SAMD8: variants seen among roughly 807,000 people sequenced by gnomAD.
SAMD8 encodes sphingomyelin synthase-related protein 1.
SAMD8 carries 20 observed loss-of-function variants against 42.0 expected under a neutral mutation model. That is an observed-to-expected ratio of 0.48 (90% CI 0.34 to 0.69). The LOEUF (loss-of-function observed/expected upper bound fraction) is 0.69. SAMD8 is among the 30% of genes least tolerant of loss of function. The probability of loss-of-function intolerance (pLI) is 0.01; values close to 1 mark genes in which losing one functional copy is unlikely to be tolerated. For missense variants in SAMD8, 328 were observed against 511.6 expected, an observed-to-expected ratio of 0.64 and a Z score of 3.46; for synonymous variants, 162 against 173.0, an observed-to-expected ratio of 0.94 and a Z score of 0.50.
At chr10:75,108,005 G>T, upstream of SAMD8, 1 of 1,612,804 alleles carries the variant, frequency 6.2e-7, no homozygotes, top group Non-Finnish European at 8.5e-7. Flanking sequence ...CAGGCGTGTT[G>T]AGGGCACGGT....
chr10:75,169,397 G>A (rs1028264330), intron 4 of SAMD8, among the ~76,000 whole-genome samples: 3 of 150,934 alleles, frequency 2.0e-5, no homozygotes, highest in Non-Finnish European at 2.9e-5. Context: ...AGGTTCAATC[G>A]CTTGAACCTG....
intron 1 of SAMD8, among the ~76,000 whole-genome samples, chr10:75,136,228 T>G (rs1839883418): frequency 6.6e-6 from 1 of 152,216 alleles, no homozygotes; most frequent in Non-Finnish European, 1.5e-5. Flanking sequence ...TTGTTTTGTG[T>G]AAGTTACTAA....
intron 1 of SAMD8, among the ~76,000 whole-genome samples, chr10:75,134,184 G>T (rs534205852): frequency 6.6e-6 from 1 of 152,170 alleles, no homozygotes; most frequent in African/African-American, 2.4e-5. Context: ...GCCTGTCAGT[G>T]GGGGGCAGCC....
chr10:75,131,824 C>G (rs1187515507), intron 1 of SAMD8, among the ~76,000 whole-genome samples: 1 of 152,136 alleles, frequency 6.6e-6, no homozygotes, highest in Non-Finnish European at 1.5e-5. Context: ...AATATTAACT[C>G]TCTAGATGAC....
At chr10:75,159,307 C>G (rs1393046905) in intron 2 of SAMD8, among the ~76,000 whole-genome samples, 3 of 152,166 alleles carry the variant, frequency 2.0e-5, no homozygotes, top group African/African-American at 7.2e-5. Context: ...ATCCGCTCAT[C>G]TCAGCCCCCA....
intron 1 of SAMD8, among the ~76,000 whole-genome samples, chr10:75,115,281 T>C (rs1253647697): frequency 6.6e-6 from 1 of 152,198 alleles, no homozygotes; most frequent in African/African-American, 2.4e-5. Flanking sequence ...GGGTTAATAG[T>C]AGGGCAAGAA....
At chr10:75,100,419 AC>A (rs930971982) in intron 1 of SAMD8, among the ~76,000 whole-genome samples, 8 of 151,340 alleles carry the variant, frequency 5.3e-5, no homozygotes, top group Non-Finnish European at 8.9e-5. Flanking sequence ...AGGCCCGGCC[AC>A]CCCCCCAGGG....
chr10:75,100,812 C>G (rs113425204), intron 1 of SAMD8, among the ~76,000 whole-genome samples: 4,754 of 152,334 alleles, frequency 0.031, 100 homozygotes, highest in Non-Finnish European at 0.043. Flanking sequence ...GTCACTCCCC[C>G]GTTTGCCTCT....
intron 2 of SAMD8, among the ~76,000 whole-genome samples, chr10:75,160,178 A>ACT (rs1280983465): frequency 1.3e-5 from 2 of 151,872 alleles, no homozygotes; most frequent in Non-Finnish European, 2.9e-5. Context: ...CATAGTGATG[A>ACT]CTCTAAATTA....
At position 75,129,047 on chromosome 10, in the gene SAMD8, C is replaced by A. The variant is rs144560352; in HGVS notation, c.-16+17325C>A. 4.9e-3 allele frequency among the ~76,000 whole-genome samples: 751 copies of A among 152,048 alleles called. 4 individuals carry two copies. The highest frequency in any genetic ancestry group is 0.017 in the African/African-American group (716 of 41,438). On this transcript the variant is annotated intron_variant, in intron 1 of 5. Transcript: ENST00000542569. ...GTATTCTGAATCACCTAAAAAAAAA[C>A]CATCTCAACTGGATCTTTTTTCCAG...
At chr10:75,112,315 G>C (rs1272723238) in intron 1 of SAMD8, among the ~76,000 whole-genome samples, 1 of 152,240 alleles carries the variant, frequency 6.6e-6, no homozygotes, top group Non-Finnish European at 1.5e-5. Context: ...CTCAAGGGGT[G>C]AGGGAGGCAC....
intron 4 of SAMD8, among the ~76,000 whole-genome samples, chr10:75,172,283 C>T (rs1840886086): frequency 6.6e-6 from 1 of 152,046 alleles, no homozygotes. Context: ...TGGTATGAAG[C>T]GTTTCACCCA....
At chr10:75,138,235 A>C (rs558302042) in intron 1 of SAMD8, among the ~76,000 whole-genome samples, 1 of 152,328 alleles carries the variant, frequency 6.6e-6, no homozygotes, top group East Asian at 1.9e-4. Context: ...ACTAGAAAGG[A>C]TACTGAGTGC....
chr10:75,156,826 C>A (rs761097838), intron 2 of SAMD8, among the ~76,000 whole-genome samples: 5 of 151,968 alleles, frequency 3.3e-5, no homozygotes, highest in Non-Finnish European at 7.4e-5. Flanking sequence ...TTAATTAGAT[C>A]CTATATCAAG....
At chr10:75,132,138 A>T (rs1356786108) in intron 1 of SAMD8, among the ~76,000 whole-genome samples, 1 of 152,192 alleles carries the variant, frequency 6.6e-6, no homozygotes, top group African/African-American at 2.4e-5. Flanking sequence ...TGAAACTGGG[A>T]GATGCAAACA....
At chr10:75,175,181 C>T (rs963285767) in intron 4 of SAMD8, among the ~76,000 whole-genome samples, 1 of 152,196 alleles carries the variant, frequency 6.6e-6, no homozygotes, top group Non-Finnish European at 1.5e-5. Context: ...GTAGCCTTCC[C>T]AGAAACCCTT....
At chr10:75,108,299 G>GGCT (rs753346308), upstream of SAMD8, 97 of 1,502,424 alleles carry the variant, frequency 6.5e-5, 1 homozygote, top group South Asian at 1.2e-3. Flanking sequence ...GAGGGACCGA[G>GGCT]CCATTAGGGT....
intron 1 of SAMD8, among the ~76,000 whole-genome samples, chr10:75,127,059 T>G (rs977931504): frequency 3.9e-5 from 6 of 151,924 alleles, no homozygotes; most frequent in African/African-American, 1.5e-4. Context: ...AGAGGCGGCT[T>G]GTGCCTGTAG....
At chr10:75,141,899 G>C (rs1233751734) in intron 1 of SAMD8, among the ~76,000 whole-genome samples, 1 of 151,756 alleles carries the variant, frequency 6.6e-6, no homozygotes, top group African/African-American at 2.4e-5. Context: ...ATGTTTTGTA[G>C]AAGTGGTGAG....
Sources: allele counts gnomAD v4.1 joint callset (sites outside exome capture counted in the v4.1 genomes callset), GRCh38; gene constraint gnomAD v4.1.1; transcripts MANE v1.5; gene names NCBI Gene and HGNC (gene_info 2026-07-23, HGNC 2026-07-21).